TBC1D32: variants seen among roughly 807,000 people sequenced by gnomAD.
The protein encoded by TBC1D32 is TBC1 domain family member 32.
A neutral mutation model predicts 170.3 loss-of-function variants in TBC1D32; 151 were observed. The ratio of observed to expected loss-of-function variants is 0.89; its 90% confidence interval spans 0.78 to 1.01. The LOEUF (loss-of-function observed/expected upper bound fraction) is 1.01. Among genes scored for constraint, TBC1D32 ranks in the 50% least tolerant of loss-of-function variants. The probability of loss-of-function intolerance (pLI) is 0.00; values close to 1 mark genes in which losing one functional copy is unlikely to be tolerated. For missense variants in TBC1D32, 1,464 were observed against 1,457.1 expected (o/e 1.00, Z -0.08); for synonymous variants, 498 against 488.0 (o/e 1.02, Z -0.27).
At chr6:121,327,891 C>T (rs945081473) in intron 1 of TBC1D32, among the ~76,000 whole-genome samples, 1 of 151,932 alleles carries the variant, frequency 6.6e-6, no homozygotes, top group Non-Finnish European at 1.5e-5. Flanking sequence ...GCGTCTCTCC[C>T]GAAGAATTAC....
At chr6:121,282,924 T>C (rs1315251842) in intron 13 of TBC1D32, among the ~76,000 whole-genome samples, 4 of 151,830 alleles carry the variant, frequency 2.6e-5, no homozygotes, top group African/African-American at 9.7e-5. Context: ...TGAAGATCAA[T>C]AGGCTAATAT....
At chr6:121,118,283 A>C (rs2128204431) in intron 26 of TBC1D32, among the ~76,000 whole-genome samples, 1 of 152,334 alleles carries the variant, frequency 6.6e-6, no homozygotes, top group South Asian at 2.1e-4. Flanking sequence ...TGAAAAGAAT[A>C]ATGAAAAGAA....
chr6:121,139,076 G>C (rs1186870158), intron 24 of TBC1D32, among the ~76,000 whole-genome samples: 1 of 152,080 alleles, frequency 6.6e-6, no homozygotes, highest in Non-Finnish European at 1.5e-5. Flanking sequence ...TCCATCTCCT[G>C]ACCTTGTGGT....
chr6:121,229,773 T>C (rs1795508658), intron 20 of TBC1D32, among the ~76,000 whole-genome samples: 1 of 152,146 alleles, frequency 6.6e-6, no homozygotes, highest in African/African-American at 2.4e-5. Flanking sequence ...AGTTCTGATA[T>C]GGTTTAGCTC....
chr6:121,141,334 G>A, intron 24 of TBC1D32, among the ~76,000 whole-genome samples: 1 of 152,196 alleles, frequency 6.6e-6, no homozygotes, highest in East Asian at 1.9e-4. Context: ...GGAAAAGGGA[G>A]TATCAAGAGC....
At chr6:121,325,973 C>A (rs1810409459) in intron 1 of TBC1D32, among the ~76,000 whole-genome samples, 1 of 152,040 alleles carries the variant, frequency 6.6e-6, no homozygotes, top group South Asian at 2.1e-4. Context: ...TATGAACAGA[C>A]ACTTCTCAAA....
intron 31 of TBC1D32, among the ~76,000 whole-genome samples, chr6:121,084,289 A>G (rs1775957795): frequency 6.6e-6 from 1 of 152,160 alleles, no homozygotes; most frequent in Non-Finnish European, 1.5e-5. Context: ...TTGTTCCACA[A>G]TAAATAGGTT....
At chr6:121,266,729 C>T (rs1303243279) in intron 15 of TBC1D32, among the ~76,000 whole-genome samples, 17 of 152,006 alleles carry the variant, frequency 1.1e-4, no homozygotes, top group Admixed American at 1.1e-3. Context: ...TACTATGCAG[C>T]CATAAAAATG....
chr6:121,083,165 C>T (rs2358137), intron 31 of TBC1D32, among the ~76,000 whole-genome samples: 41,079 of 151,780 alleles, frequency 0.27, 8,447 homozygotes, highest in African/African-American at 0.57. Context: ...ATAATTTCAT[C>T]TATAGACCAA....
chr6:121,200,337 T>G (rs1791381459), intron 22 of TBC1D32, among the ~76,000 whole-genome samples: 1 of 151,310 alleles, frequency 6.6e-6, no homozygotes, highest in South Asian at 2.1e-4. Flanking sequence ...TAATAAAACT[T>G]AATGTGGTCA....
In TBC1D32 at chr6:121,153,855, G is replaced by A. The variant is rs111415996; in HGVS notation, c.2773+6155C>T. ...ATGCCCCTCCCACCACCAAGCTTGC[G>A]TATACCAGGTCGACTTCAGACTGCT... On this transcript the variant is annotated intron_variant, in intron 24 of 31. Transcript: ENST00000398212. 8.9e-3 allele frequency among the ~76,000 whole-genome samples: 1,349 copies of A among 152,098 alleles called. 11 individuals carry two copies. Among genetic ancestry groups the A allele is most frequent in the South Asian group, 0.041 (200 of 4,824 alleles).
rs367770090 is a variant in TBC1D32 at position 121,232,217 on chromosome 6, G to A, written c.2364+6853C>T. On this transcript the variant is annotated intron_variant, in intron 20 of 31. Coordinates refer to ENST00000398212, the MANE Select transcript of TBC1D32 (RefSeq NM_152730.6). ...ACTTTATGTTTTTGTTTACTTTGTCGAAGATCAGTTGGCTGTATTTGGCTT... is the reference window on the plus strand; with the variant it reads ...ACTTTATGTTTTTGTTTACTTTGTCAAAGATCAGTTGGCTGTATTTGGCTT... Among the ~76,000 whole-genome samples, 84 of 151,978 alleles carry A rather than the reference G, an allele frequency of 5.5e-4. No homozygotes were observed. The East Asian group carries it at 0.014, about 26-fold the overall frequency.
rs72961342 is a variant in TBC1D32, at chr6:121,209,241, G to A, written c.2482-4078C>T. The stretch of plus-strand genomic sequence containing the variant: ...AGTTTGGAGATATGTATACACCTGT[G>A]AAACCATAACCACAATCTATGCCAT... On this transcript the variant is annotated intron_variant, in intron 21 of 31. Transcript: ENST00000398212. Among the ~76,000 whole-genome samples the A allele has an allele frequency of 7.6e-3, 1,158 of 151,952 alleles. 3 individuals carry two copies. The highest frequency in any genetic ancestry group is 0.049 in the Middle Eastern group (14 of 288).
At chr6:121,180,396 CA>C (rs1327392809) in intron 22 of TBC1D32, among the ~76,000 whole-genome samples, 1 of 152,036 alleles carries the variant, frequency 6.6e-6, no homozygotes, top group African/African-American at 2.4e-5. Flanking sequence ...ATTGTTTAGT[CA>C]GACACACAGA....
At chr6:121,273,968 T>A (rs1354896448) in intron 15 of TBC1D32, among the ~76,000 whole-genome samples, 2 of 152,166 alleles carry the variant, frequency 1.3e-5, no homozygotes, top group Non-Finnish European at 2.9e-5. Flanking sequence ...GAGCCTACTC[T>A]GGTTGAGGAG....
chr6:121,147,007 A>G (rs888772730), intron 24 of TBC1D32, among the ~76,000 whole-genome samples: 8 of 151,790 alleles, frequency 5.3e-5, no homozygotes, highest in African/African-American at 1.5e-4. Context: ...CCTAGTGTAT[A>G]TTGTTTCTAT....
At chr6:121,262,015 C>T (rs2128407211) in intron 15 of TBC1D32, among the ~76,000 whole-genome samples, 1 of 152,156 alleles carries the variant, frequency 6.6e-6, no homozygotes, top group Non-Finnish European at 1.5e-5. Context: ...CCAAATCAAT[C>T]AAGTGGAAGA....
chr6:121,112,753 G>T, intron 28 of TBC1D32, 94 bp from the exon 29 acceptor site: 1 of 1,103,778 alleles, frequency 9.1e-7, no homozygotes, highest in Non-Finnish European at 1.2e-6. Context: ...TAAATAAAAA[G>T]CAGACATTCT....
intron 21 of TBC1D32, among the ~76,000 whole-genome samples, chr6:121,219,260 G>C (rs1486115624): frequency 6.6e-6 from 1 of 152,124 alleles, no homozygotes; most frequent in Admixed American, 6.5e-5. Context: ...TAGATCAAAA[G>C]AGTTGTTTGT....
Sources: gnomAD v4.1 joint callset for allele counts (sites outside exome capture counted in the v4.1 genomes callset) on GRCh38, gnomAD v4.1.1 for gene constraint, MANE v1.5 for transcripts, NCBI Gene and HGNC (gene_info 2026-07-23, HGNC 2026-07-21) for gene names.